ICAM2: variants seen among roughly 807,000 people sequenced by gnomAD.
The protein encoded by ICAM2 is intercellular adhesion molecule 2.
ICAM2 carries 14 observed loss-of-function variants against 19.1 expected under a neutral mutation model. The observed-to-expected ratio is 0.73, with a 90% CI of 0.48 to 1.15. The LOEUF (loss-of-function observed/expected upper bound fraction) is 1.15, where lower values mean the gene tolerates loss of function less well. ICAM2 is among the 50% of genes most tolerant of loss of function. ICAM2 has a pLI of 0.00. For missense variants in ICAM2, 311 were observed against 355.4 expected, an observed-to-expected ratio of 0.88 and a Z score of 1.00; for synonymous variants, 153 against 152.7, an observed-to-expected ratio of 1.00 and a Z score of -0.01.
intron 1 of ICAM2, among the ~76,000 whole-genome samples, chr17:64,015,641 G>C (rs958411998): frequency 2.0e-5 from 3 of 152,104 alleles, no homozygotes; most frequent in African/African-American, 7.2e-5. Flanking sequence ...TTGGGAGGTG[G>C]AGTTAGGGGG....
intron 4 of ICAM2, chr17:64,003,297 C>A: frequency 2.4e-6 from 1 of 423,646 alleles, no homozygotes; most frequent in East Asian, 4.6e-5. Flanking sequence ...TCCCTGTGTG[C>A]CGGCCGTCCA....
chr17:64,014,625 GAGAA>G lies in ICAM2; in HGVS notation c.-45+5894_-45+5897del, dbSNP rs1257051051. ...AAAGGGAGGGAGGGAGGGAGAGAGA[GAGAA>G]AGAAAGAAAGAGAGAGAGAGAAAGA... On this transcript the variant is annotated intron_variant, in intron 1 of 4. Coordinates refer to ENST00000579788, the MANE Select transcript of ICAM2 (RefSeq NM_001099789.2). Among the ~76,000 whole-genome samples the G allele has an allele frequency of 1.3e-4, 18 of 142,876 alleles. 1 individual carries two copies. The highest frequency in any genetic ancestry group is 6.7e-4 in the South Asian group (3 of 4,450). The allele number at this position is 142,876 out of a possible 152,430, so 93.7% of individuals were successfully genotyped here. A position where few individuals can be genotyped will look rare whatever the true frequency, so the allele number is the denominator to read the frequency against.
chr17:64,006,385 C>T (rs568425237), intron 2 of ICAM2: 424 of 464,438 alleles, frequency 9.1e-4, no homozygotes, highest in Non-Finnish European at 1.3e-3. Context: ...CACCTGTGAT[C>T]CCAGCTACTC....
At chr17:64,014,349 A>C (rs1911576107) in intron 1 of ICAM2, among the ~76,000 whole-genome samples, 1 of 52,280 alleles carries the variant, frequency 1.9e-5, no homozygotes, top group East Asian at 6.1e-4. Flanking sequence ...GAAAGAAAGA[A>C]AGAAAGAAAG....
At chr17:64,008,207 A>G (rs1403093991) in intron 1 of ICAM2, among the ~76,000 whole-genome samples, 1 of 152,214 alleles carries the variant, frequency 6.6e-6, no homozygotes, top group African/African-American at 2.4e-5. Context: ...GCAGGGAGGA[A>G]GAGGCAGGGC....
chr17:64,003,398 C>T (rs1910944365), intron 4 of ICAM2: 3 of 543,638 alleles, frequency 5.5e-6, no homozygotes, highest in Non-Finnish European at 9.9e-6. Context: ...CAGGGAGAGC[C>T]GTCAAGGTCA....
Position 64,006,634 on chromosome 17 carries a change from G to A in ICAM2, c.58C>T (p.Pro20Ser). The A allele has an allele frequency of 6.2e-7, 1 of 1,614,088 alleles. No individual in the cohort carries two copies. Among genetic ancestry groups the A allele is most frequent in the Non-Finnish European group, 8.5e-7 (1 of 1,179,920 alleles). The stretch of plus-strand genomic sequence containing the variant: ...GAACCCCAGGAAACTGGCTTACCTG[G>A]ACAGCAGATCAGGGTGAAGAGGGCC... ...TVALFTLICC[P>S]GSDEKVFEVH... The change falls in exon 2 of 5, where the codon CCA becomes TCA. Residue 20 changes from proline to serine, a missense_variant. Pro to Ser is a moderately conservative substitution (Grantham distance 74). Transcript: ENST00000579788.
At chr17:64,014,376 A>AAAGAAAGG (rs1567849318) in intron 1 of ICAM2, among the ~76,000 whole-genome samples, 26 of 55,412 alleles carry the variant, frequency 4.7e-4, no homozygotes, top group African/African-American at 1.5e-3. Context: ...AGAAAGAAAG[A>AAAGAAAGG]AAGGAAGGAA....
chr17:64,014,382 AGG>A (rs1911591131), intron 1 of ICAM2, among the ~76,000 whole-genome samples: 1 of 57,878 alleles, frequency 1.7e-5, no homozygotes, highest in Admixed American at 2.1e-4. Context: ...AAAGAAAGGA[AGG>A]AAGGAAGGAA....
intron 1 of ICAM2, among the ~76,000 whole-genome samples, chr17:64,014,722 GAAGA>G (rs1161852684): frequency 0.016 from 263 of 16,008 alleles, 1 homozygote; most frequent in African/African-American, 0.019. Flanking sequence ...AGGAAGGAAG[GAAGA>G]AAGAAAGAAA....
At chr17:64,009,076 C>T (rs1001348360) in intron 1 of ICAM2, among the ~76,000 whole-genome samples, 11 of 152,172 alleles carry the variant, frequency 7.2e-5, no homozygotes, top group African/African-American at 2.7e-4. Flanking sequence ...GACACATCAA[C>T]CTTCCTGCCT....
At chr17:64,008,671 A>C (rs1291647347) in intron 1 of ICAM2, among the ~76,000 whole-genome samples, 1 of 152,192 alleles carries the variant, frequency 6.6e-6, no homozygotes, top group Non-Finnish European at 1.5e-5. Flanking sequence ...CCGCCCGAGC[A>C]GGCGCAAGAA....
chr17:64,011,228 C>T (rs754029025), intron 1 of ICAM2, among the ~76,000 whole-genome samples: 3 of 152,048 alleles, frequency 2.0e-5, no homozygotes, highest in African/African-American at 4.8e-5. Context: ...TTTGGAAGGC[C>T]GAGGTGGGTG....
chr17:64,003,090 A>C (rs983897229), intron 4 of ICAM2, 165 bp from the exon 5 acceptor site: 1 of 598,238 alleles, frequency 1.7e-6, no homozygotes, highest in Non-Finnish European at 2.9e-6. Flanking sequence ...TGGTGTCTGC[A>C]TTAAAATTAT....
Position 64,010,844 on chromosome 17 carries a change from G to A in ICAM2, c.-44-4109C>T, listed in dbSNP as rs953820049. The stretch of plus-strand genomic sequence containing the variant: ...AGTTCAAAACTAAAATACTGGGTAA[G>A]AATATATAAGGAAGGATTGGAGTTA... On this transcript the variant is annotated intron_variant, in intron 1 of 4. Coordinates refer to ENST00000579788, the MANE Select transcript of ICAM2 (RefSeq NM_001099789.2). Among the ~76,000 whole-genome samples, 36 of 152,252 alleles carry A rather than the reference G, an allele frequency of 2.4e-4. 1 individual carries two copies. Among genetic ancestry groups the A allele is most frequent in the Admixed American group, 2.3e-3 (35 of 15,284 alleles).
intron 4 of ICAM2, 178 bp downstream of exon 4, chr17:64,003,466 A>G (rs1274869788): frequency 1.1e-5 from 7 of 629,596 alleles, no homozygotes; most frequent in Admixed American, 2.9e-5. Flanking sequence ...GGAGCAGTTG[A>G]GGTCCAAGCT....
chr17:64,017,544 G>T (rs1401407314), intron 1 of ICAM2, among the ~76,000 whole-genome samples: 1 of 152,184 alleles, frequency 6.6e-6, no homozygotes, highest in Non-Finnish European at 1.5e-5. Context: ...TATAGGGTCA[G>T]TGCAATTCCA....
Position 64,003,947 on chromosome 17 carries a change from T to G in ICAM2, c.346A>C (p.Ile116Leu). ...VSVYQPPRQV[I>L]LTLQPTLVAV... The stretch of plus-strand genomic sequence containing the variant: ...ACCAAAGTGGGTTGCAGTGTCAGGA[T>G]GACCTGCCTTGGAGGCTCTGCAGGG... Residue 116 changes from isoleucine to leucine, a missense_variant, in exon 4 of 5, where the codon ATC (isoleucine) becomes CTC (leucine). Ile to Leu is a conservative substitution (Grantham distance 5). Transcript: ENST00000579788. The G allele has an allele frequency of 6.2e-7, 1 of 1,612,686 alleles. No homozygotes were observed. The highest frequency in any genetic ancestry group is 8.5e-7 in the Non-Finnish European group (1 of 1,179,402).
chr17:64,010,509 T>C (rs1444991637), intron 1 of ICAM2, among the ~76,000 whole-genome samples: 1 of 147,778 alleles, frequency 6.8e-6, no homozygotes, highest in Non-Finnish European at 1.5e-5. Context: ...GACAGGGTCC[T>C]AATCCAGTGA....
Sources: gnomAD v4.1 joint callset for allele counts (sites outside exome capture counted in the v4.1 genomes callset) on GRCh38, gnomAD v4.1.1 for gene constraint, MANE v1.5 for transcripts, NCBI Gene and HGNC (gene_info 2026-07-23, HGNC 2026-07-21) for gene names.